Variants in DNER observed in about 807,000 individuals in gnomAD.
DNER encodes the protein delta and Notch-like epidermal growth factor-related receptor.
In DNER, 33 loss-of-function variants were observed where a neutral mutation model predicts 78.2. That is an observed-to-expected ratio of 0.42 (90% CI 0.32 to 0.56). The LOEUF (loss-of-function observed/expected upper bound fraction) is 0.56, where lower values mean the gene tolerates loss of function less well. Among genes scored for constraint, DNER ranks in the 20% least tolerant of loss-of-function variants. DNER has a pLI of 0.11. For missense variants in DNER, 918 were observed against 975.3 expected, an observed-to-expected ratio of 0.94 and a Z score of 0.78; for synonymous variants, 417 against 384.8, an observed-to-expected ratio of 1.08 and a Z score of -0.98.
chr2:229,556,446 A>G (rs1245834062), intron 4 of DNER, among the ~76,000 whole-genome samples: 2 of 152,244 alleles, frequency 1.3e-5, no homozygotes, highest in Non-Finnish European at 2.9e-5. Flanking sequence ...AAAATGCTCT[A>G]AGTAATTCTG....
chr2:229,567,043 G>A (rs1697123327), intron 4 of DNER, among the ~76,000 whole-genome samples: 1 of 152,156 alleles, frequency 6.6e-6, no homozygotes, highest in Non-Finnish European at 1.5e-5. Context: ...CTCATGCTTT[G>A]TTGCAGTTCC....
At chr2:229,572,727 A>G (rs1697237388) in intron 4 of DNER, among the ~76,000 whole-genome samples, 1 of 152,280 alleles carries the variant, frequency 6.6e-6, no homozygotes, top group Admixed American at 6.5e-5. Flanking sequence ...AGAAAGGACA[A>G]GATAAGATGG....
At chr2:229,523,867 C>T (rs1696150367) in intron 5 of DNER, among the ~76,000 whole-genome samples, 1 of 152,220 alleles carries the variant, frequency 6.6e-6, no homozygotes, top group Non-Finnish European at 1.5e-5. Context: ...AAACATAGCT[C>T]ATGAGCTCCA....
At chr2:229,593,666 T>C (rs1454852095) in intron 1 of DNER, among the ~76,000 whole-genome samples, 1 of 152,268 alleles carries the variant, frequency 6.6e-6, no homozygotes, top group Non-Finnish European at 1.5e-5. Context: ...GAGGGAGGGA[T>C]GTGAACTTGT....
chr2:229,587,389 C>A (rs1285705328), intron 3 of DNER, among the ~76,000 whole-genome samples: 3 of 152,170 alleles, frequency 2.0e-5, no homozygotes, highest in Non-Finnish European at 2.9e-5. Flanking sequence ...CCCTTCCAGG[C>A]TCTTCCCCTG....
intron 7 of DNER, among the ~76,000 whole-genome samples, chr2:229,449,842 G>A (rs752369139): frequency 7.9e-5 from 12 of 152,170 alleles, no homozygotes; most frequent in African/African-American, 1.7e-4. Context: ...GGAGTGCAAT[G>A]GCACAATCTT....
intron 4 of DNER, among the ~76,000 whole-genome samples, chr2:229,581,186 T>G (rs1697390299): frequency 6.6e-6 from 1 of 152,172 alleles, no homozygotes. Context: ...CCCAGAGATC[T>G]GGTTTGGCTC....
chr2:229,646,817 A>G (rs886112080), intron 1 of DNER, among the ~76,000 whole-genome samples: 2 of 152,268 alleles, frequency 1.3e-5, no homozygotes, highest in African/African-American at 2.4e-5. Flanking sequence ...GGCCAGAGAC[A>G]ATAGAAAAGC....
chr2:229,489,447 T>G, intron 6 of DNER, among the ~76,000 whole-genome samples: 1 of 143,190 alleles, frequency 7.0e-6, no homozygotes, highest in African/African-American at 2.6e-5. Flanking sequence ...CAATCAAGTG[T>G]GGGATCAAAA....
intron 1 of DNER, among the ~76,000 whole-genome samples, chr2:229,692,343 T>G (rs1699593368): frequency 6.6e-6 from 1 of 152,216 alleles, no homozygotes; most frequent in African/African-American, 2.4e-5. Context: ...TAAGATACTG[T>G]ATATCTACTT....
intron 12 of DNER, among the ~76,000 whole-genome samples, chr2:229,361,598 T>A (rs2106324059): frequency 6.6e-6 from 1 of 152,262 alleles, no homozygotes; most frequent in Non-Finnish European, 1.5e-5. Flanking sequence ...ACCACAAGAA[T>A]CGCCCTTAGT....
chr2:229,663,263 A>G (rs1384214154), intron 1 of DNER, among the ~76,000 whole-genome samples: 1 of 152,216 alleles, frequency 6.6e-6, no homozygotes, highest in African/African-American at 2.4e-5. Context: ...GCTTCCTCCC[A>G]ATAAAACCAC....
chr2:229,668,530 GTGTGTGTATATATATA>G (rs1362495000), intron 1 of DNER, among the ~76,000 whole-genome samples: 40 of 5,492 alleles, frequency 7.3e-3, no homozygotes, highest in South Asian at 0.071. Flanking sequence ...GTGTGTGTGT[GTGTGTGTATATATATA>G]TATATATATA....
chr2:229,656,789 T>C (rs191567224), intron 1 of DNER, among the ~76,000 whole-genome samples: 62 of 152,330 alleles, frequency 4.1e-4, no homozygotes, highest in African/African-American at 1.4e-3. Flanking sequence ...TATGAAACTA[T>C]AATGTAATTC....
chr2:229,517,515 G>C (rs1182488880), intron 5 of DNER, among the ~76,000 whole-genome samples: 1 of 152,198 alleles, frequency 6.6e-6, no homozygotes, highest in Non-Finnish European at 1.5e-5. Context: ...GGTATTCCAG[G>C]TGAGGGGAAC....
chr2:229,423,918 T>C (rs1251296024), intron 8 of DNER, among the ~76,000 whole-genome samples: 1 of 152,234 alleles, frequency 6.6e-6, no homozygotes. Context: ...ATCCTATTTT[T>C]ATCATAGTTC....
chr2:229,637,578 T>A (rs1484165800), intron 1 of DNER, among the ~76,000 whole-genome samples: 1 of 152,246 alleles, frequency 6.6e-6, no homozygotes, highest in Non-Finnish European at 1.5e-5. Context: ...GCATCTATTG[T>A]AGCCATAGGA....
At chr2:229,552,228 C>T (rs965009987) in intron 4 of DNER, among the ~76,000 whole-genome samples, 1 of 152,204 alleles carries the variant, frequency 6.6e-6, no homozygotes, top group African/African-American at 2.4e-5. Flanking sequence ...GTGAACCTCG[C>T]AGCCATGATT....
At chr2:229,387,503 GAAAGAGAGAAAGAAAGAA>G (rs1559337829) in intron 11 of DNER, among the ~76,000 whole-genome samples, 15 of 104,890 alleles carry the variant, frequency 1.4e-4, no homozygotes, top group East Asian at 5.5e-4. Context: ...AAGAAAGAAA[GAAAGAGAGAAAGAAAGAA>G]AGAAAGAAAG....
Sources: allele counts gnomAD v4.1 joint callset (sites outside exome capture counted in the v4.1 genomes callset), GRCh38; gene constraint gnomAD v4.1.1; transcripts MANE v1.5; gene names NCBI Gene and HGNC (gene_info 2026-07-23, HGNC 2026-07-21).